DMD: variants seen among roughly 807,000 people sequenced by gnomAD.
DMD encodes the protein dystrophin, also known as mutant dystrophin.
Under a neutral mutation model 330.1 loss-of-function variants are expected in DMD, and 63 were observed. The ratio of observed to expected loss-of-function variants is 0.19; its 90% CI spans 0.16 to 0.24. DMD has a LOEUF of 0.24. DMD is among the 10% of genes least tolerant of loss of function. The pLI, the probability that DMD is intolerant of heterozygous loss-of-function variation, is 1.00. For synonymous variants in DMD, 1,223 were observed against 959.8 expected, an observed-to-expected ratio of 1.27 and a Z score of -5.07; for missense variants, 3,344 against 2,684.1, an observed-to-expected ratio of 1.25 and a Z score of -5.43.
chrX:33,064,748 G>A (rs981302634), intron 1 of DMD, among the ~76,000 whole-genome samples: 2 of 110,683 alleles, frequency 1.8e-5, no homozygotes, highest in East Asian at 5.7e-4. Flanking sequence ...AATTAGCCGG[G>A]CATGGTGGCA....
intron 12 of DMD, among the ~76,000 whole-genome samples, chrX:32,598,280 G>A (rs1446297682): frequency 9.0e-6 from 1 of 111,614 alleles, no homozygotes; most frequent in Non-Finnish European, 1.9e-5. Flanking sequence ...AGCTTATAAT[G>A]GTTAATAAAA....
intron 2 of DMD, among the ~76,000 whole-genome samples, chrX:32,866,724 T>TTGGG (rs1307416049): frequency 3.6e-4 from 14 of 38,417 alleles, no homozygotes; most frequent in African/African-American, 2.4e-3. Flanking sequence ...CACTTTTTTT[T>TTGGG]GGGGGGGGGT....
chrX:33,197,001 A>G (rs1487463125), intron 1 of DMD, among the ~76,000 whole-genome samples: 1 of 111,355 alleles, frequency 9.0e-6, no homozygotes, highest in Non-Finnish European at 1.9e-5. Flanking sequence ...AACACCTTAC[A>G]AAGTAGGACA....
chrX:33,214,804 C>T (rs1216008110), upstream of DMD, among the ~76,000 whole-genome samples: 1 of 111,118 alleles, frequency 9.0e-6, no homozygotes, highest in Non-Finnish European at 1.9e-5. Context: ...CAGGTGAATG[C>T]CACCATATTC....
intron 76 of DMD, among the ~76,000 whole-genome samples, chrX:31,144,095 CA>C (rs1375073914): frequency 3.6e-5 from 4 of 111,542 alleles, no homozygotes; most frequent in African/African-American, 1.3e-4. Context: ...TTTTCCTTCT[CA>C]AAAAAATCAA....
chrX:32,121,766 C>G (rs2096637655), intron 44 of DMD, among the ~76,000 whole-genome samples: 2 of 102,399 alleles, frequency 2.0e-5, no homozygotes, highest in Admixed American at 1.1e-4. Flanking sequence ...TATACACACA[C>G]TCACTATATG....
intron 44 of DMD, among the ~76,000 whole-genome samples, chrX:31,986,860 A>G (rs2150291119): frequency 8.9e-6 from 1 of 112,700 alleles, no homozygotes; most frequent in South Asian, 3.6e-4. Context: ...AACAAAAACT[A>G]TAATATTCCT....
chrX:33,324,828 A>G (rs1170722864), intron 1 of DMD, among the ~76,000 whole-genome samples: 2 of 111,983 alleles, frequency 1.8e-5, no homozygotes, highest in African/African-American at 3.2e-5. Flanking sequence ...AAAAGCAATC[A>G]TGAATCACAT....
At chrX:32,657,985 A>G (rs56324419) in intron 9 of DMD, among the ~76,000 whole-genome samples, 8,183 of 111,245 alleles carry the variant, frequency 0.074, 733 homozygotes, top group African/African-American at 0.25. Flanking sequence ...AAAAATCAAA[A>G]CAAAATACAC....
intron 60 of DMD, among the ~76,000 whole-genome samples, chrX:31,410,622 G>A (rs1426855168): frequency 3.6e-5 from 4 of 110,575 alleles, no homozygotes. Flanking sequence ...TAGTTGGAAT[G>A]AAACAGAGGA....
chrX:32,403,092 G>A (rs56152215), intron 30 of DMD, among the ~76,000 whole-genome samples: 102 of 110,811 alleles, frequency 9.2e-4, no homozygotes, highest in Admixed American at 8.7e-4. Flanking sequence ...GGGAATAGAC[G>A]GGGAAAATTT....
At chrX:32,673,414 TG>T (rs1461286245) in intron 9 of DMD, among the ~76,000 whole-genome samples, 4 of 111,616 alleles carry the variant, frequency 3.6e-5, no homozygotes, top group Non-Finnish European at 3.8e-5. Context: ...CTCATGCTAA[TG>T]GTTACTTGTT....
chrX:32,702,243 C>T (rs1447359616), intron 7 of DMD, among the ~76,000 whole-genome samples: 1 of 112,051 alleles, frequency 8.9e-6, no homozygotes, highest in Non-Finnish European at 1.9e-5. Flanking sequence ...CTAATTGGCA[C>T]AACCAGTTGT....
intron 2 of DMD, among the ~76,000 whole-genome samples, chrX:33,011,100 C>T (rs1023921561): frequency 4.9e-4 from 55 of 111,549 alleles, no homozygotes; most frequent in African/African-American, 1.7e-3. Context: ...ATGTCTATTG[C>T]CAAATGTAAA....
At chrX:31,501,822 T>A (rs1443876816) in intron 56 of DMD, among the ~76,000 whole-genome samples, 5 of 111,636 alleles carry the variant, frequency 4.5e-5, no homozygotes, top group African/African-American at 1.6e-4. Flanking sequence ...TCCCTATAAA[T>A]CTTTAGTACC....
At chrX:32,358,353 A>G (rs2097814843) in intron 37 of DMD, among the ~76,000 whole-genome samples, 1 of 111,064 alleles carries the variant, frequency 9.0e-6, no homozygotes, top group South Asian at 3.9e-4. Context: ...ACTTGCCCTC[A>G]GCCATGCCAC....
At chrX:32,462,829 C>T (rs2098388305) in intron 25 of DMD, among the ~76,000 whole-genome samples, 1 of 110,459 alleles carries the variant, frequency 9.1e-6, no homozygotes, top group Non-Finnish European at 1.9e-5. Context: ...CATGGTGGCA[C>T]ACACCTGTAC....
intron 1 of DMD, among the ~76,000 whole-genome samples, chrX:33,122,797 C>T (rs762880105): frequency 8.9e-6 from 1 of 111,750 alleles, no homozygotes; most frequent in Admixed American, 9.6e-5. Flanking sequence ...CTAAACCTTC[C>T]ACTTCTCTTT....
intron 1 of DMD, among the ~76,000 whole-genome samples, chrX:33,288,845 G>A (rs1242532715): frequency 9.0e-6 from 1 of 111,633 alleles, no homozygotes; most frequent in Non-Finnish European, 1.9e-5. Flanking sequence ...GACAATAGCT[G>A]TTGGTTTTAT....
Sources: gnomAD v4.1 joint callset for allele counts (sites outside exome capture counted in the v4.1 genomes callset) on GRCh38, gnomAD v4.1.1 for gene constraint, MANE v1.5 for transcripts, NCBI Gene and HGNC (gene_info 2026-07-23, HGNC 2026-07-21) for gene names.